NUP62: variants seen among roughly 807,000 people sequenced by gnomAD.
NUP62 encodes the protein nucleoporin 62.
For missense variants in NUP62, 647 were observed against 689.4 expected, an observed-to-expected ratio of 0.94 and a Z score of 0.69; for synonymous variants, 305 against 303.4, an observed-to-expected ratio of 1.01 and a Z score of -0.05.
chr19:49,914,566 A>T (rs2075569447), intron 2 of NUP62, among the ~76,000 whole-genome samples: 1 of 152,006 alleles, frequency 6.6e-6, no homozygotes, highest in Non-Finnish European at 1.5e-5. Context: ...GGGAACCCGG[A>T]GGAAGACCCG....
rs183839846 is a variant in NUP62, at chr19:49,913,986, T to A, written c.-77-4102A>T. Among the ~76,000 whole-genome samples, 9 of 152,214 alleles carry A rather than the reference T, an allele frequency of 5.9e-5. No homozygotes were observed. The East Asian group carries it at 1.7e-3, about 29-fold the overall frequency. Reference sequence around the variant, plus strand: ...AAGAGCCTGAGGCCCGAACTGGAACTCAGAGAGGACAGCATCACAATTTGA... The same window carrying A: ...AAGAGCCTGAGGCCCGAACTGGAACACAGAGAGGACAGCATCACAATTTGA... On this transcript the variant is annotated intron_variant, in intron 2 of 2. Transcript: ENST00000352066.
chr19:49,912,804 C>T (rs1419372937), intron 2 of NUP62: 1 of 152,222 alleles, frequency 6.6e-6, no homozygotes, highest in Non-Finnish European at 1.5e-5. Flanking sequence ...GAGGTGGAGG[C>T]TGCAGTGAGC....
chr19:49,907,242 G>A lies in NUP62; in HGVS notation c.*997C>T, dbSNP rs902537952. On this transcript the variant is annotated 3_prime_UTR_variant, in exon 3 of 3. Transcript: ENST00000352066. ...CCAAGGTACAGGCTCAGGGTGCTACGGGGACCTGCAAGAAGGCCACCTGAG... is the reference window on the plus strand; with the variant it reads ...CCAAGGTACAGGCTCAGGGTGCTACAGGGACCTGCAAGAAGGCCACCTGAG... 5.2e-5 allele frequency: 15 copies of A among 290,516 alleles called. No homozygotes were observed. Among genetic ancestry groups the A allele is most frequent in the East Asian group, 3.6e-4 (3 of 8,296 alleles). 18.0% of individuals were successfully genotyped at this position (290,516 alleles called of 1,614,324 possible).
chr19:49,914,725 A>ACTT (rs1568710510), intron 2 of NUP62, among the ~76,000 whole-genome samples: 1 of 30,906 alleles, frequency 3.2e-5, no homozygotes, highest in Non-Finnish European at 6.8e-5. Context: ...TCCAAGTCCC[A>ACTT]GTTTTTTTTT....
chr19:49,915,646 T>C (rs977831826), intron 2 of NUP62, among the ~76,000 whole-genome samples: 20 of 152,254 alleles, frequency 1.3e-4, no homozygotes, highest in African/African-American at 4.6e-4. Flanking sequence ...GAAATCTAGA[T>C]AGGTGGATGG....
chr19:49,929,217 C>G lies in NUP62; in HGVS notation c.-200+109G>C, dbSNP rs764419529. Reference sequence around the variant, plus strand: ...CCGGGGCCGCCTCATTCCCTGTCCTCGGATCACAGTCTCTTCTCACTACAG... The same window carrying G: ...CCGGGGCCGCCTCATTCCCTGTCCTGGGATCACAGTCTCTTCTCACTACAG... On this transcript the variant is annotated intron_variant, in intron 1 of 2. Transcript: ENST00000352066. 5 of 152,778 alleles carry G rather than the reference C, an allele frequency of 3.3e-5. No homozygotes were observed. In the East Asian group the frequency reaches 9.6e-4, roughly 29 times the overall value. The allele number at this position is 152,778 out of a possible 1,614,324, so 9.5% of individuals were successfully genotyped here. A position where few individuals can be genotyped will look rare whatever the true frequency, so the allele number is the denominator to read the frequency against.
At chr19:49,920,794 C>A (rs1341756696) in intron 2 of NUP62, among the ~76,000 whole-genome samples, 1 of 152,194 alleles carries the variant, frequency 6.6e-6, no homozygotes. Context: ...ACTGAGGCAT[C>A]AGGGCTGAGG....
At chr19:49,923,404 G>T (rs79342675) in intron 2 of NUP62, among the ~76,000 whole-genome samples, 1 of 152,198 alleles carries the variant, frequency 6.6e-6, no homozygotes, top group East Asian at 1.9e-4. Flanking sequence ...AGCACAGGGC[G>T]GGGGGTTGTG....
chr19:49,921,741 C>T lies in NUP62; in HGVS notation c.-78+5953G>A, dbSNP rs1373309416. Among the ~76,000 whole-genome samples, 2 of 152,194 alleles carry T rather than the reference C, an allele frequency of 1.3e-5. No homozygotes were observed. Among genetic ancestry groups the T allele is most frequent in the African/African-American group, 4.8e-5 (2 of 41,442 alleles). Reference sequence around the variant, plus strand: ...GTGAGGCCCTCCCACCATGGTTCCCCGCCTCTGCCTCTCCCCGCAGCTCCG... The same window carrying T: ...GTGAGGCCCTCCCACCATGGTTCCCTGCCTCTGCCTCTCCCCGCAGCTCCG... On this transcript the variant is annotated intron_variant, in intron 2 of 2. Transcript: ENST00000352066. This position sits in a 1 kb window ranked among gnomAD's most constrained non-coding sequence, Gnocchi z 5.4.
In NUP62 at chr19:49,908,729, G is replaced by C; in HGVS notation, c.1079C>G (p.Ala360Gly). 1 of 1,613,294 alleles carries C rather than the reference G, an allele frequency of 6.2e-7. No homozygotes were observed. Residue 360 changes from alanine (A) to glycine (G), a missense_variant, in exon 3 of 3, where the codon GCC (alanine) becomes GGC (glycine). Ala to Gly is a moderately conservative substitution (Grantham distance 60). Transcript: ENST00000352066. Reference sequence around the variant, plus strand: ...ATTCTCGATCAGCGTGCGGTCCCAGGCGTTGACCTGGGTGGCCTGCTGGAG... The same window carrying C: ...ATTCTCGATCAGCGTGCGGTCCCAGCCGTTGACCTGGGTGGCCTGCTGGAG... The part of the protein sequence containing the change: ...HFLQQATQVN[A>G]WDRTLIENGE...
At chr19:49,928,093 T>C (rs369466061) in intron 1 of NUP62, 88 of 152,368 alleles carry the variant, frequency 5.8e-4, no homozygotes, top group African/African-American at 2.0e-3. Context: ...AAGATGAGGA[T>C]AGCTGGAAAC....
intron 2 of NUP62, among the ~76,000 whole-genome samples, chr19:49,915,594 C>T (rs930776042): frequency 3.3e-5 from 5 of 152,176 alleles, no homozygotes; most frequent in Non-Finnish European, 1.5e-5. Flanking sequence ...CCACTAGAAA[C>T]CAATGGCGGT....
chr19:49,923,801 G>A (rs777546273), intron 2 of NUP62, among the ~76,000 whole-genome samples: 2 of 152,374 alleles, frequency 1.3e-5, no homozygotes, highest in African/African-American at 2.4e-5. Flanking sequence ...CACAGAAGTG[G>A]TGGAGTTGGG....
intron 2 of NUP62, among the ~76,000 whole-genome samples, chr19:49,911,857 A>G (rs940310552): frequency 6.6e-5 from 10 of 152,222 alleles, no homozygotes; most frequent in African/African-American, 2.4e-4. Context: ...GGCCACGGCA[A>G]GTGCCTGAGC....
intron 2 of NUP62, among the ~76,000 whole-genome samples, chr19:49,914,699 G>T (rs1315684519): frequency 8.4e-6 from 1 of 118,604 alleles, no homozygotes; most frequent in African/African-American, 3.2e-5. Context: ...ACCTCCATCT[G>T]TGATTCTTGT....
rs530372497 is a variant in NUP62, at chr19:49,914,726, GTT to G, written c.-77-4844_-77-4843del. On this transcript the variant is annotated intron_variant, in intron 2 of 2. Transcript: ENST00000352066. ...GATTCTTGTGCCACTCCAAGTCCCA[GTT>G]TTTTTTTTTTTTTTTTTTTTTTTTT... Among the ~76,000 whole-genome samples, 75 of 56,386 alleles carry G rather than the reference GTT, an allele frequency of 1.3e-3. 4 individuals are homozygous for G. Among genetic ancestry groups the G allele is most frequent in the African/African-American group, 3.8e-3 (58 of 15,438 alleles). The allele number at this position is 56,386 out of a possible 152,430, so 37.0% of individuals were successfully genotyped here.
Position 49,908,420 on chromosome 19 carries a change from G to T in NUP62, c.1388C>A (p.Ala463Asp). The change falls in exon 3 of 3, where the codon GCC becomes GAC. Residue 463 changes from alanine (A) to aspartate (D), a missense_variant. Ala to Asp is a moderately radical substitution (Grantham distance 126, BLOSUM62 -2). Coordinates refer to ENST00000352066, the MANE Select transcript of NUP62 (RefSeq NM_016553.5). ...DIIEHLNTSG[A>D]PADTSDPLQQ... ...CAGTGGGTCACTGGTGTCGGCGGGG[G>T]CCCCGGACGTGTTCAGGTGCTCGAT... 1 of 1,614,162 alleles carries T rather than the reference G, an allele frequency of 6.2e-7. No individual in the cohort carries two copies. The highest frequency in any genetic ancestry group is 8.5e-7 in the Non-Finnish European group (1 of 1,180,050).
At position 49,921,833 on chromosome 19, in the gene NUP62, C is replaced by G. The variant is rs1051965650; in HGVS notation, c.-78+5861G>C. The stretch of plus-strand genomic sequence containing the variant: ...CCGGGTACTTTCCTCCGTGCCCAAG[C>G]AACCCTGTAGGAACCACATATCCTG... On this transcript the variant is annotated intron_variant, in intron 2 of 2. Coordinates refer to ENST00000352066, the MANE Select transcript of NUP62 (RefSeq NM_016553.5). This position sits in a 1 kb window ranked among gnomAD's most constrained non-coding sequence, Gnocchi z 5.4. 6.6e-6 allele frequency among the ~76,000 whole-genome samples: 1 copy of G among 152,242 alleles called. No individual in the cohort carries two copies. Among genetic ancestry groups the G allele is most frequent in the African/African-American group, 2.4e-5 (1 of 41,466 alleles).
At chr19:49,928,579 C>G (rs1439892529) in intron 1 of NUP62, 1 of 151,924 alleles carries the variant, frequency 6.6e-6, no homozygotes, top group African/African-American at 2.4e-5. Context: ...TAAGGCTTGC[C>G]AGACATCGTC....
Sources: allele counts gnomAD v4.1 joint callset (sites outside exome capture counted in the v4.1 genomes callset), GRCh38; gene constraint gnomAD v4.1.1; non-coding constraint Gnocchi (gnomAD v3.1); transcripts MANE v1.5; gene names NCBI Gene and HGNC (gene_info 2026-07-23, HGNC 2026-07-21).